PDZD9: variants seen among roughly 807,000 people sequenced by gnomAD.
The protein encoded by PDZD9 is PDZ domain-containing protein 9.
PDZD9 carries 13 observed loss-of-function variants against 16.3 expected under a neutral mutation model. The observed-to-expected ratio is 0.80, with a 90% CI of 0.52 to 1.27. PDZD9 has a LOEUF of 1.27. Ranked by LOEUF, PDZD9 falls within the 50% of genes most tolerant of loss-of-function variation. The probability of loss-of-function intolerance (pLI) is 0.00; values close to 1 mark genes in which losing one functional copy is unlikely to be tolerated. For synonymous variants in PDZD9, 120 were observed against 111.0 expected (o/e 1.08, Z -0.51); for missense variants, 288 against 310.9 (o/e 0.93, Z 0.55).
chr16:21,958,514 A>G, the PDZD9 span: 5 of 1,610,098 alleles, frequency 3.1e-6, no homozygotes, highest in Non-Finnish European at 4.2e-6. Flanking sequence ...CTACAAAGAT[A>G]ATCATTCTTT....
downstream of PDZD9, among the ~76,000 whole-genome samples, chr16:21,981,243 A>G (rs1898719836): frequency 6.6e-6 from 1 of 151,946 alleles, no homozygotes; most frequent in African/African-American, 2.4e-5. Context: ...ATTGTTCCCT[A>G]CAATATTGAG....
downstream of PDZD9, chr16:21,983,434 C>G (rs1352529495): frequency 2.9e-5 from 13 of 444,222 alleles, no homozygotes; most frequent in Non-Finnish European, 4.3e-5. Context: ...TTAAAGGAGA[C>G]AGGAATATAA....
At chr16:21,983,336 CA>C, downstream of PDZD9, 1 of 579,734 alleles carries the variant, frequency 1.7e-6, no homozygotes, top group Non-Finnish European at 3.0e-6. Flanking sequence ...GTCAATAAAA[CA>C]TTCTGTTTAA....
At chr16:21,992,759 C>G (rs1166475218) in intron 2 of PDZD9, among the ~76,000 whole-genome samples, 1 of 152,150 alleles carries the variant, frequency 6.6e-6, no homozygotes, top group Non-Finnish European at 1.5e-5. Flanking sequence ...GGTTTTGGGA[C>G]TCGGACTGAG....
chr16:21,975,310 A>T, the PDZD9 span, among the ~76,000 whole-genome samples: 1 of 152,178 alleles, frequency 6.6e-6, no homozygotes, highest in Admixed American at 6.5e-5. Flanking sequence ...AGAGATCTTG[A>T]TAAAGTGGAA....
At chr16:21,968,805 G>T in the PDZD9 span, 1 of 738,704 alleles carries the variant, frequency 1.4e-6, no homozygotes, top group Non-Finnish European at 2.1e-6. Context: ...ATTTATGTCA[G>T]ACAGGCAATA....
At chr16:21,960,109 C>T in the PDZD9 span, among the ~76,000 whole-genome samples, 23 of 152,268 alleles carry the variant, frequency 1.5e-4, no homozygotes, top group Non-Finnish European at 3.2e-4. Context: ...GAAGCTTTGA[C>T]GCCAGGCATT....
chr16:21,970,936 T>C, the PDZD9 span, among the ~76,000 whole-genome samples: 1 of 152,148 alleles, frequency 6.6e-6, no homozygotes. Flanking sequence ...AAGTTTTTTT[T>C]TTTAATTGTT....
intron 2 of PDZD9, among the ~76,000 whole-genome samples, chr16:21,989,038 C>G (rs1898959215): frequency 6.6e-6 from 1 of 150,514 alleles, no homozygotes; most frequent in African/African-American, 2.5e-5. Flanking sequence ...AAGTGGTTCT[C>G]CTGCCTCAGC....
rs1898822186 is a variant in PDZD9, at chr16:21,984,472, C to T, written c.590G>A (p.Ser197Asn). The stretch of plus-strand genomic sequence containing the variant: ...GTCACAATTAATGTCTTTTCCTACA[C>T]TAATAGTATGGTTCTTCTTCTTATA... Reference protein sequence around the residue: ...HGYKKKNHTISVGKDINCDVM... With the variant: ...HGYKKKNHTINVGKDINCDVM... The change falls in exon 4 of 4, where the codon AGT becomes AAT. Residue 197 changes from serine to asparagine, a missense_variant. Coordinates refer to ENST00000424898, the MANE Select transcript of PDZD9 (RefSeq NM_001363519.1). 2 of 1,613,058 alleles carry T rather than the reference C, an allele frequency of 1.2e-6. No individual in the cohort carries two copies. Among genetic ancestry groups the T allele is most frequent in the East Asian group, 4.5e-5 (2 of 44,842 alleles).
At chr16:21,974,022 TC>T in the PDZD9 span, 16 of 1,435,182 alleles carry the variant, frequency 1.1e-5, no homozygotes, top group South Asian at 4.1e-5. Context: ...AAGTTATTTC[TC>T]CCCCCCGCCA....
intron 2 of PDZD9, among the ~76,000 whole-genome samples, chr16:21,992,944 C>T (rs1488837957): frequency 6.6e-6 from 1 of 152,080 alleles, no homozygotes; most frequent in Non-Finnish European, 1.5e-5. Flanking sequence ...TGAGTGAGTT[C>T]TCATGAGATC....
chr16:21,995,512 C>T (rs984024073), intron 2 of PDZD9, among the ~76,000 whole-genome samples: 1 of 152,194 alleles, frequency 6.6e-6, no homozygotes, highest in African/African-American at 2.4e-5. Context: ...CTGTACCCAG[C>T]CAGAATTAAA....
chr16:21,978,503 G>A, the PDZD9 span, among the ~76,000 whole-genome samples: 1 of 152,156 alleles, frequency 6.6e-6, no homozygotes, highest in Non-Finnish European at 1.5e-5. Flanking sequence ...TACAAGACCT[G>A]TACTGCCCTT....
chr16:21,962,985 A>G, the PDZD9 span: 3 of 1,361,778 alleles, frequency 2.2e-6, no homozygotes, highest in Non-Finnish European at 2.9e-6. Context: ...TTTTATTTTT[A>G]TTTTTATTTA....
At chr16:21,961,949 G>A in the PDZD9 span, among the ~76,000 whole-genome samples, 3 of 151,732 alleles carry the variant, frequency 2.0e-5, no homozygotes, top group Non-Finnish European at 2.9e-5. Context: ...CACTGCGCCC[G>A]GCCCAAATTT....
rs1898810764 is a variant in PDZD9 at position 21,984,243 on chromosome 16, A to G, written c.*24T>C. The G allele has an allele frequency of 6.3e-7, 1 of 1,582,884 alleles. No individual in the cohort carries two copies. Among genetic ancestry groups the G allele is most frequent in the Non-Finnish European group, 8.6e-7 (1 of 1,162,500 alleles). On this transcript the variant is annotated 3_prime_UTR_variant, in exon 4 of 4. Transcript: ENST00000424898. ...ACAAAACTTGGGTGTCTGCAAGATA[A>G]ATGCTCATATGACCACAGATTTGCT...
the PDZD9 span, among the ~76,000 whole-genome samples, chr16:21,978,532 T>A: frequency 6.6e-6 from 1 of 152,152 alleles, no homozygotes; most frequent in Admixed American, 6.6e-5. Flanking sequence ...GCCTTTTCCA[T>A]CATACCCTAT....
intron 3 of PDZD9, 114 bp downstream of exon 3, chr16:21,988,488 C>T: frequency 1.2e-6 from 1 of 855,014 alleles, no homozygotes; most frequent in Admixed American, 2.9e-5. Context: ...ACAGTGTCAC[C>T]AGTCCTCCTG....
Sources: gnomAD v4.1 joint callset for allele counts (sites outside exome capture counted in the v4.1 genomes callset) on GRCh38, gnomAD v4.1.1 for gene constraint, MANE v1.5 for transcripts, NCBI Gene and HGNC (gene_info 2026-07-23, HGNC 2026-07-21) for gene names.